The following NOD1 variants were observed in gnomAD, a reference collection of about 807,000 sequenced individuals.
NOD1 encodes nucleotide binding oligomerization domain containing 1.
In NOD1, 70 loss-of-function variants were observed where a neutral mutation model predicts 81.2. The observed-to-expected ratio is 0.86, with a 90% CI of 0.71 to 1.05. The LOEUF (loss-of-function observed/expected upper bound fraction) is 1.05, where lower values mean the gene tolerates loss of function less well. NOD1 is among the 50% of genes least tolerant of loss of function. The pLI, the probability that NOD1 is intolerant of heterozygous loss-of-function variation, is 0.00. For synonymous variants in NOD1, 508 were observed against 526.9 expected (o/e 0.96, Z 0.49); for missense variants, 1,233 against 1,228.0 (o/e 1.00, Z -0.06).
intron 10 of NOD1, among the ~76,000 whole-genome samples, chr7:30,437,045 T>TA (rs965890591): frequency 4.6e-5 from 7 of 150,884 alleles, no homozygotes; most frequent in East Asian, 1.9e-4. Context: ...TATGCAACCA[T>TA]AAAAAAAAAT....
chr7:30,451,392 G>A lies in NOD1; in HGVS notation c.2025C>T (p.Ile675=), dbSNP rs775683730. ...QKVGQLAARG[I]CANYLKLTYC... is the part of the protein sequence containing the mutation. Reference sequence around the variant, plus strand: ...AGGTCAGCTTGAGGTAGTTGGCGCAGATGCCCCTGGCCGCCAGCTGCCCCA... The same window carrying A: ...AGGTCAGCTTGAGGTAGTTGGCGCAAATGCCCCTGGCCGCCAGCTGCCCCA... Residue 675 remains isoleucine (I), a synonymous_variant, in exon 6 of 14, where the codon ATC becomes ATT. Coordinates refer to ENST00000222823, the MANE Select transcript of NOD1 (RefSeq NM_006092.4). The surrounding 1 kb of genome is among the most constrained non-coding windows in gnomAD (Gnocchi z 4.2). 6.2e-7 allele frequency: 1 copy of A among 1,614,090 alleles called. No individual in the cohort carries two copies. Among genetic ancestry groups the A allele is most frequent in the Non-Finnish European group, 8.5e-7 (1 of 1,180,050 alleles).
chr7:30,449,619 G>A (rs1003308739), intron 6 of NOD1, among the ~76,000 whole-genome samples: 2 of 152,152 alleles, frequency 1.3e-5, no homozygotes, highest in African/African-American at 4.8e-5. Flanking sequence ...CCTGGGCTCC[G>A]GAGGGTCATG....
intron 1 of NOD1, chr7:30,460,725 C>T (rs1212897508): frequency 3.0e-5 from 29 of 972,488 alleles, no homozygotes; most frequent in Admixed American, 6.2e-5. Flanking sequence ...GAGGGAGCCC[C>T]GAAGGGAGCT....
In NOD1 at chr7:30,476,629, C is replaced by A. The variant is rs1399350641; in HGVS notation, c.-352+1977G>T. On this transcript the variant is annotated intron_variant, in intron 1 of 13. Transcript: ENST00000222823. ...TGCACAGCCCAGCTTTCTTGGAAAG[C>A]CATTTAAAAGATATATATGTGGCAA... Among the ~76,000 whole-genome samples, 9 of 152,280 alleles carry A rather than the reference C, an allele frequency of 5.9e-5. No individual in the cohort carries two copies. The South Asian group carries it at 1.9e-3, about 32-fold the overall frequency.
Position 30,429,418 on chromosome 7 carries a change from C to G in NOD1, c.2745G>C (p.Gln915His). The G allele has an allele frequency of 1.2e-6, 2 of 1,614,200 alleles. No individual in the cohort carries two copies. The highest frequency in any genetic ancestry group is 1.7e-6 in the Non-Finnish European group (2 of 1,180,006). ...QNQITAKGTA[Q>H]LADALQSNTG... ...TGTTGCTCTGTAACGCATCTGCCAG[C>G]TGGGCAGTCCCCTTAGCTGTGATCT... is the stretch of plus-strand genomic sequence containing the variant. Residue 915 changes from glutamine (Q) to histidine (H), a missense_variant, in exon 13 of 14, where the codon CAG (glutamine) becomes CAC (histidine). Gln to His is a conservative substitution (Grantham distance 24, BLOSUM62 0). Transcript: ENST00000222823.
chr7:30,475,358 A>G (rs1024972501), intron 1 of NOD1, among the ~76,000 whole-genome samples: 4 of 152,204 alleles, frequency 2.6e-5, no homozygotes. Context: ...TTTTATTAAA[A>G]TCTTAATCTG....
chr7:30,437,486 T>G lies in NOD1; in HGVS notation c.2537+87A>C, dbSNP rs534750000. 108 of 796,354 alleles carry G rather than the reference T, an allele frequency of 1.4e-4. 1 individual carries two copies. Among genetic ancestry groups the G allele is most frequent in the South Asian group, 1.0e-3 (39 of 38,820 alleles). 49.3% of individuals were successfully genotyped at this position (796,354 alleles called of 1,614,324 possible). A position where few individuals can be genotyped will look rare whatever the true frequency, so the allele number is the denominator to read the frequency against. On this transcript the variant is annotated intron_variant, in intron 10 of 13. Transcript: ENST00000222823. ...TCACACATGCAAATTCCTCTTCTATTAGGAGCACGAATCACCCTTCCCCAG... is the reference window on the plus strand; with the variant it reads ...TCACACATGCAAATTCCTCTTCTATGAGGAGCACGAATCACCCTTCCCCAG...
Position 30,456,910 on chromosome 7 carries a change from C to A in NOD1, c.12G>T (p.Gln4His). 1.2e-6 allele frequency: 2 copies of A among 1,614,118 alleles called. No individual in the cohort carries two copies. The highest frequency in any genetic ancestry group is 1.1e-5 in the South Asian group (1 of 91,082). Residue 4 changes from glutamine (Q) to histidine (H), a missense_variant, in exon 4 of 14, where the codon CAG becomes CAT. Physicochemically the swap from Gln to His is conservative, Grantham distance 24. Transcript: ENST00000222823. MEEQGHSEMEIIPS... is the reference protein window; with the variant it reads MEEHGHSEMEIIPS... ...GGATTATTTCCATCTCACTGTGGCCCTGCTCTTCCATAGTTAAAGTAGCAA... is the reference window on the plus strand; with the variant it reads ...GGATTATTTCCATCTCACTGTGGCCATGCTCTTCCATAGTTAAAGTAGCAA...
At chr7:30,466,321 G>T (rs1240761237) in intron 1 of NOD1, among the ~76,000 whole-genome samples, 4 of 152,072 alleles carry the variant, frequency 2.6e-5, no homozygotes, top group Admixed American at 6.5e-5. Flanking sequence ...GTTGCTTTGG[G>T]TAGGAGGCTT....
chr7:30,471,297 T>G (rs1255594835), intron 1 of NOD1, among the ~76,000 whole-genome samples: 2 of 152,204 alleles, frequency 1.3e-5, no homozygotes, highest in Non-Finnish European at 2.9e-5. Flanking sequence ...GGGCCAGGAC[T>G]GCTCTCTTCC....
At chr7:30,464,335 A>G (rs2391869) in intron 1 of NOD1, among the ~76,000 whole-genome samples, 23,513 of 152,184 alleles carry the variant, frequency 0.15, 2,075 homozygotes, top group Admixed American at 0.23. Flanking sequence ...GGATAGCTGC[A>G]AGGGGGTGGG....
At chr7:30,455,106 T>A in intron 5 of NOD1, 31 bp downstream of exon 5, 1 of 1,607,052 alleles carries the variant, frequency 6.2e-7, no homozygotes, top group Non-Finnish European at 8.5e-7. Context: ...CTTGCACTGG[T>A]GCCTGCGGTC....
chr7:30,460,405 A>C (rs1337774592), intron 1 of NOD1: 3 of 982,378 alleles, frequency 3.1e-6, no homozygotes, highest in Non-Finnish European at 3.6e-6. Context: ...TCTTCCAGGC[A>C]AAGAGAGGAC....
intron 11 of NOD1, 171 bp from the exon 12 acceptor site, chr7:30,433,350 G>A (rs1784111089): frequency 3.4e-6 from 2 of 589,700 alleles, no homozygotes; most frequent in African/African-American, 1.9e-5. Context: ...CCCCACAGAA[G>A]GTCAATGGGA....
At chr7:30,461,239 G>A (rs1481780604) in intron 1 of NOD1, among the ~76,000 whole-genome samples, 1 of 151,902 alleles carries the variant, frequency 6.6e-6, no homozygotes, top group Non-Finnish European at 1.5e-5. Context: ...GTGCGGTGGC[G>A]CAATCTCGGC....
At chr7:30,462,617 T>G (rs537519238) in intron 1 of NOD1, among the ~76,000 whole-genome samples, 1 of 152,226 alleles carries the variant, frequency 6.6e-6, no homozygotes, top group Non-Finnish European at 1.5e-5. Context: ...TGAATGAGTG[T>G]CACAGATACT....
intron 1 of NOD1, chr7:30,468,732 C>A: frequency 2.6e-6 from 2 of 770,388 alleles, no homozygotes; most frequent in Non-Finnish European, 3.2e-6. Flanking sequence ...ACATAACTGG[C>A]ACACATATAC....
intron 13 of NOD1, 137 bp from the exon 14 acceptor site, chr7:30,425,847 CT>C: frequency 1.4e-6 from 1 of 703,768 alleles, no homozygotes; most frequent in Admixed American, 2.1e-5. Flanking sequence ...GGAACATACC[CT>C]TTGCAGATAG....
chr7:30,467,423 A>C lies in NOD1; in HGVS notation c.-351-7382T>G, dbSNP rs186247638. On this transcript the variant is annotated intron_variant, in intron 1 of 13. Coordinates refer to ENST00000222823, the MANE Select transcript of NOD1 (RefSeq NM_006092.4). This position sits in a 1 kb window ranked among gnomAD's most constrained non-coding sequence, Gnocchi z 4.5. ...CTTTTCCTCATTAGGGCATCTCAGG[A>C]CATCTTGAGGCAGGCCAGCACAACA... Among the ~76,000 whole-genome samples the C allele has an allele frequency of 1.9e-4, 29 of 152,134 alleles. 1 individual carries two copies. In the East Asian group the frequency reaches 5.6e-3, roughly 29 times the overall value.
Sources: gnomAD v4.1 joint callset for allele counts (sites outside exome capture counted in the v4.1 genomes callset) on GRCh38, gnomAD v4.1.1 for gene constraint, Gnocchi (gnomAD v3.1) non-coding constraint, MANE v1.5 for transcripts, NCBI Gene and HGNC (gene_info 2026-07-23, HGNC 2026-07-21) for gene names.